The following EML6 variants were observed in gnomAD, a reference collection of about 807,000 sequenced individuals.
EML6 encodes EMAP like 6.
A neutral mutation model predicts 240.1 loss-of-function variants in EML6; 154 were observed. That is an observed-to-expected ratio of 0.64 (90% CI 0.56 to 0.73). The LOEUF is 0.73. Among genes scored for constraint, EML6 ranks in the 30% least tolerant of loss-of-function variants. The pLI, the probability that EML6 is intolerant of heterozygous loss-of-function variation, is 0.00. For missense variants in EML6, 2,964 were observed against 2,474.6 expected, an observed-to-expected ratio of 1.20 and a Z score of -4.20; for synonymous variants, 1,148 against 899.0, an observed-to-expected ratio of 1.28 and a Z score of -4.95.
At chr2:54,757,357 G>A (rs1028612022) in intron 2 of EML6, among the ~76,000 whole-genome samples, 2 of 152,298 alleles carry the variant, frequency 1.3e-5, no homozygotes, top group East Asian at 3.9e-4. Flanking sequence ...AGGGTGTTAA[G>A]GTGGTGCACC....
rs1363650473 is a variant in EML6, at chr2:54,959,262, G to A, written c.4853+1G>A. On this transcript the variant is annotated splice_donor_variant, in intron 34 of 41. Transcript: ENST00000356458. LOFTEE classifies it high-confidence loss of function. ...TAGTGACCGGCGGAAAAGAGAGGCC[G>A]TAAGCCAAAGCTCCTATGGAAACAA... 3.3e-6 allele frequency: 5 copies of A among 1,526,624 alleles called. No individual in the cohort carries two copies. Among genetic ancestry groups the A allele is most frequent in the Non-Finnish European group, 3.5e-6 (4 of 1,134,460 alleles). 94.6% of individuals were successfully genotyped at this position (1,526,624 alleles called of 1,614,324 possible).
rs970434501 is a variant in EML6, at chr2:54,928,462, G to C, written c.3825G>C (p.Glu1275Asp). Reference protein sequence around the residue: ...IWTREFVGTQESKLVDSEESD... With the variant: ...IWTREFVGTQDSKLVDSEESD... ...CCAGGGAGTTTGTGGGGACCCAGGA[G>C]AGCAAGCTGGTGGACAGCGAGGAGT... The change falls in exon 27 of 42, where the codon GAG (glutamate) becomes GAC (aspartate). Residue 1275 changes from glutamate (E) to aspartate (D), a missense_variant. Glu to Asp is a conservative substitution (Grantham distance 45). Coordinates refer to ENST00000356458, the MANE Select transcript of EML6 (RefSeq NM_001039753.4). 1 of 1,549,950 alleles carries C rather than the reference G, an allele frequency of 6.5e-7. No individual in the cohort carries two copies. The highest frequency in any genetic ancestry group is 2.4e-5 in the East Asian group (1 of 40,884).
chr2:54,724,249 G>A lies in EML6; in HGVS notation c.-513-300G>A, dbSNP rs1479864754. On this transcript the variant is annotated intron_variant, in intron 1 of 41. Transcript: ENST00000356458. The surrounding 1 kb of genome is among the most constrained non-coding windows in gnomAD (Gnocchi z 5.2). ...TGAAGAGAAGGTTCACGGAGGATAT[G>A]ATTATTAAACACACACATGAAAACT... is the stretch of plus-strand genomic sequence containing the variant. Among the ~76,000 whole-genome samples the A allele has an allele frequency of 6.6e-6, 1 of 152,028 alleles. No homozygotes were observed. Among genetic ancestry groups the A allele is most frequent in the Non-Finnish European group, 1.5e-5 (1 of 67,990 alleles).
At chr2:54,964,799 A>G in intron 38 of EML6, 66 bp downstream of exon 38, 8 of 1,446,996 alleles carry the variant, frequency 5.5e-6, no homozygotes, top group Non-Finnish European at 7.6e-6. Context: ...AATGGCCTAT[A>G]TTAATCGAGT....
intron 28 of EML6, among the ~76,000 whole-genome samples, chr2:54,945,651 C>T (rs1410391402): frequency 6.6e-6 from 1 of 152,178 alleles, no homozygotes; most frequent in Non-Finnish European, 1.5e-5. Flanking sequence ...GCACTTTGGC[C>T]CTGAATGCTC....
At chr2:54,778,728 A>AAAATAC (rs1411543925) in intron 2 of EML6, among the ~76,000 whole-genome samples, 2 of 151,780 alleles carry the variant, frequency 1.3e-5, no homozygotes, top group Non-Finnish European at 2.9e-5. Flanking sequence ...CTCTACTAAA[A>AAAATAC]AAATACAAAA....
chr2:54,921,581 C>A (rs888790773), intron 26 of EML6, among the ~76,000 whole-genome samples: 1 of 151,934 alleles, frequency 6.6e-6, no homozygotes, highest in African/African-American at 2.4e-5. Flanking sequence ...GAAAAACAAC[C>A]TTAAAATGTG....
chr2:54,893,346 G>A (rs768821105), intron 19 of EML6, among the ~76,000 whole-genome samples: 1 of 152,126 alleles, frequency 6.6e-6, no homozygotes, highest in Non-Finnish European at 1.5e-5. Context: ...AGAGTAAGGG[G>A]CTGCAACAGG....
chr2:54,829,572 A>C, intron 7 of EML6, 95 bp downstream of exon 7: 1 of 973,296 alleles, frequency 1.0e-6, no homozygotes, highest in African/African-American at 1.6e-5. Flanking sequence ...CATTTTAAAA[A>C]GGCAGTTTAT....
chr2:54,929,312 T>C (rs1674730299), intron 28 of EML6, among the ~76,000 whole-genome samples: 4 of 152,226 alleles, frequency 2.6e-5, no homozygotes, highest in African/African-American at 9.6e-5. Flanking sequence ...CTATATAGAA[T>C]GAGTGTTTTC....
chr2:54,845,492 T>C (rs1322099825), intron 8 of EML6, among the ~76,000 whole-genome samples: 3 of 152,236 alleles, frequency 2.0e-5, no homozygotes, highest in African/African-American at 7.2e-5. Flanking sequence ...TAACCATTAA[T>C]TTGACTAGAA....
At chr2:54,891,520 A>G (rs1412248576) in intron 18 of EML6, among the ~76,000 whole-genome samples, 2 of 152,196 alleles carry the variant, frequency 1.3e-5, no homozygotes, top group East Asian at 1.9e-4. Context: ...TTATTTATCT[A>G]TTACTGAATT....
Position 54,774,689 on chromosome 2 carries a change from T to C in EML6, c.198-38543T>C, listed in dbSNP as rs1668526018. Among the ~76,000 whole-genome samples, 1 of 152,216 alleles carries C rather than the reference T, an allele frequency of 6.6e-6. No homozygotes were observed. Among genetic ancestry groups the C allele is most frequent in the African/African-American group, 2.4e-5 (1 of 41,452 alleles). The stretch of plus-strand genomic sequence containing the variant: ...GTATTAGCATTTCCCAAAGTTATTT[T>C]TACAAGATGTTTTTCTCCCCGAGGA... On this transcript the variant is annotated intron_variant, in intron 2 of 41. Coordinates refer to ENST00000356458, the MANE Select transcript of EML6 (RefSeq NM_001039753.4). The surrounding 1 kb of genome is among the most constrained non-coding windows in gnomAD (Gnocchi z 4.1).
intron 26 of EML6, among the ~76,000 whole-genome samples, chr2:54,926,214 G>T (rs1339030068): frequency 6.6e-6 from 1 of 152,162 alleles, no homozygotes; most frequent in Non-Finnish European, 1.5e-5. Flanking sequence ...CAATTCTCCT[G>T]CCTCAGCCTC....
At chr2:54,922,760 C>G (rs183060655) in intron 26 of EML6, among the ~76,000 whole-genome samples, 2 of 151,930 alleles carry the variant, frequency 1.3e-5, no homozygotes, top group East Asian at 3.9e-4. Context: ...TGTGGATGAA[C>G]CAGAAGGACA....
At chr2:54,869,121 CCTG>C in intron 14 of EML6, 57 bp from the exon 15 acceptor site, 2 of 1,198,116 alleles carry the variant, frequency 1.7e-6, no homozygotes, top group Non-Finnish European at 2.4e-6. Context: ...TCTGACACCT[CCTG>C]CTCCATGCAT....
intron 25 of EML6, among the ~76,000 whole-genome samples, chr2:54,916,212 A>T (rs1156978326): frequency 6.6e-6 from 1 of 152,218 alleles, no homozygotes; most frequent in Non-Finnish European, 1.5e-5. Context: ...GTAACTTTTT[A>T]AAATAATTGG....
intron 6 of EML6, among the ~76,000 whole-genome samples, chr2:54,828,293 A>C (rs888685606): frequency 6.6e-6 from 1 of 152,230 alleles, no homozygotes; most frequent in East Asian, 1.9e-4. Flanking sequence ...TGATAACTAC[A>C]TATCTTCTGA....
intron 7 of EML6, among the ~76,000 whole-genome samples, chr2:54,836,797 G>C (rs969360021): frequency 6.6e-6 from 1 of 152,210 alleles, no homozygotes; most frequent in African/African-American, 2.4e-5. Flanking sequence ...CCACACTTCT[G>C]TTTTGCACTG....
Sources: allele counts gnomAD v4.1 joint callset (sites outside exome capture counted in the v4.1 genomes callset), GRCh38; gene constraint gnomAD v4.1.1; non-coding constraint Gnocchi (gnomAD v3.1); transcripts MANE v1.5; gene names NCBI Gene and HGNC (gene_info 2026-07-23, HGNC 2026-07-21).